KIT: variants seen among roughly 807,000 people sequenced by gnomAD.
The protein encoded by KIT is mast/stem cell growth factor receptor Kit.
Under a neutral mutation model 105.7 loss-of-function variants are expected in KIT, and 16 were observed. The ratio of observed to expected loss-of-function variants is 0.15; its 90% CI spans 0.10 to 0.23. The LOEUF is 0.23. KIT is among the 10% of genes least tolerant of loss of function. KIT has a pLI of 1.00. For synonymous variants in KIT, 438 were observed against 441.1 expected (o/e 0.99, Z 0.09); for missense variants, 858 against 1,213.8 (o/e 0.71, Z 4.36).
At chr4:54,675,033 ATC>A (rs1718370888) in intron 1 of KIT, among the ~76,000 whole-genome samples, 1 of 152,184 alleles carries the variant, frequency 6.6e-6, no homozygotes, top group Non-Finnish European at 1.5e-5. Context: ...AAATTTGCAT[ATC>A]TCTAATTATA....
intron 4 of KIT, among the ~76,000 whole-genome samples, chr4:54,701,887 G>A (rs1249228559): frequency 6.6e-6 from 1 of 152,172 alleles, no homozygotes; most frequent in Non-Finnish European, 1.5e-5. Context: ...CTGTGAAATG[G>A]TAGATTTCTG....
rs542534837 is a variant in KIT, at chr4:54,677,544, G to A, written c.68-17968G>A. Among the ~76,000 whole-genome samples the A allele has an allele frequency of 2.6e-5, 4 of 152,310 alleles. 1 individual carries two copies. In the South Asian group the frequency reaches 8.3e-4, roughly 32 times the overall value. ...AAGGTTTTCAGGGAAAGTGACTCTT[G>A]CCTCCTCTTTCCTCGGGGCTTCCAA... is the stretch of plus-strand genomic sequence containing the variant. On this transcript the variant is annotated intron_variant, in intron 1 of 20. Coordinates refer to ENST00000288135, the MANE Select transcript of KIT (RefSeq NM_000222.3).
intron 1 of KIT, among the ~76,000 whole-genome samples, chr4:54,679,992 G>A (rs1718784410): frequency 6.6e-6 from 1 of 152,174 alleles, no homozygotes; most frequent in Non-Finnish European, 1.5e-5. Context: ...GTAGAATCAT[G>A]TTGATCAGGG....
chr4:54,682,470 C>T (rs1719009780), intron 1 of KIT, among the ~76,000 whole-genome samples: 1 of 151,632 alleles, frequency 6.6e-6, no homozygotes, highest in Non-Finnish European at 1.5e-5. Context: ...GCTCTATTTC[C>T]CAGGCTAGAG....
chr4:54,701,805 T>C (rs1331150200), intron 4 of KIT, among the ~76,000 whole-genome samples: 1 of 152,244 alleles, frequency 6.6e-6, no homozygotes, highest in East Asian at 1.9e-4. Context: ...TGTGAAACTA[T>C]GAACTGGGAA....
chr4:54,673,558 T>C (rs1399000525), intron 1 of KIT, among the ~76,000 whole-genome samples: 2 of 152,230 alleles, frequency 1.3e-5, no homozygotes, highest in East Asian at 3.8e-4. Context: ...TATGCTGTTC[T>C]TCATAGCTTC....
At chr4:54,726,086 T>TA in intron 9 of KIT, 36 bp downstream of exon 9, 1 of 1,534,528 alleles carries the variant, frequency 6.5e-7, no homozygotes, top group Non-Finnish European at 9.0e-7. Context: ...AGGGGATGTT[T>TA]AGGCTCTGTC....
intron 1 of KIT, among the ~76,000 whole-genome samples, chr4:54,678,760 C>G (rs1197036395): frequency 6.6e-6 from 1 of 152,164 alleles, no homozygotes; most frequent in African/African-American, 2.4e-5. Flanking sequence ...AGTTACAAAG[C>G]TGGACCCACT....
In KIT at chr4:54,709,515, A is replaced by G. The variant is rs878853759; in HGVS notation, c.1207A>G (p.Ile403Val). Residue 403 changes from isoleucine (I) to valine (V), a missense_variant, in exon 7 of 21, where the codon ATA (isoleucine) becomes GTA (valine). This residue lies in a region of KIT where 401 missense variants were observed against 601.0 expected (regional missense o/e 0.67). Coordinates refer to ENST00000288135, the MANE Select transcript of KIT (RefSeq NM_000222.3). ...LVSNSDVNAA[I>V]AFNVYVNTKP... ...GTCCAATTCTGACGTCAATGCTGCCATAGCATTTAATGTTTATGTGAATAG... is the reference window on the plus strand; with the variant it reads ...GTCCAATTCTGACGTCAATGCTGCCGTAGCATTTAATGTTTATGTGAATAG... The G allele has an allele frequency of 1.1e-5, 18 of 1,603,920 alleles. No homozygotes were observed. The highest frequency in any genetic ancestry group is 1.5e-5 in the Non-Finnish European group (18 of 1,170,758).
At chr4:54,678,350 TTCCC>T (rs200051328) in intron 1 of KIT, among the ~76,000 whole-genome samples, 10,362 of 58,864 alleles carry the variant, frequency 0.18, 1,200 homozygotes, top group South Asian at 0.24. Context: ...CCTTCCTTCC[TTCCC>T]TCCCTCCCTC....
At chr4:54,692,372 T>C (rs948615070) in intron 1 of KIT, among the ~76,000 whole-genome samples, 3 of 152,230 alleles carry the variant, frequency 2.0e-5, no homozygotes, top group African/African-American at 7.2e-5. Flanking sequence ...TTATCCTCAT[T>C]TTCCAGGTGT....
At chr4:54,660,290 G>GC (rs942530724) in intron 1 of KIT, among the ~76,000 whole-genome samples, 11 of 151,964 alleles carry the variant, frequency 7.2e-5, no homozygotes, top group African/African-American at 2.4e-4. Context: ...GAGGGCCCCC[G>GC]CCCCCCAAGT....
intron 13 of KIT, among the ~76,000 whole-genome samples, chr4:54,728,674 A>G (rs1722392023): frequency 6.6e-6 from 1 of 152,244 alleles, no homozygotes; most frequent in Admixed American, 6.5e-5. Context: ...CTGGAGATCC[A>G]CGATAAAGTT....
At chr4:54,659,303 C>T (rs1228172258) in intron 1 of KIT, among the ~76,000 whole-genome samples, 3 of 152,192 alleles carry the variant, frequency 2.0e-5, no homozygotes, top group Non-Finnish European at 4.4e-5. Flanking sequence ...AGATTCCTGC[C>T]TCCCGTTCCC....
rs566815596 is a variant in KIT, at chr4:54,727,145, T to A, written c.1541-73T>A. ...CTGTGAGTTGGGAGGTGGGGTCAGT[T>A]TGGGACTGAGTGGCTGTGGTAGAGA... On this transcript the variant is annotated intron_variant, in intron 9 of 20. Transcript: ENST00000288135. 9.1e-5 allele frequency: 118 copies of A among 1,293,962 alleles called. No homozygotes were observed. The African/African-American group carries it at 1.6e-3, about 17-fold the overall frequency. 80.2% of individuals were successfully genotyped at this position (1,293,962 alleles called of 1,614,324 possible). A position where few individuals can be genotyped will look rare whatever the true frequency, so the allele number is the denominator to read the frequency against.
At position 54,723,599 on chromosome 4, in the gene KIT, T is replaced by G; in HGVS notation, c.1247T>G (p.Leu416Arg). The change falls in exon 8 of 21, where the codon CTG becomes CGG. Residue 416 changes from leucine to arginine, a missense_variant. Coordinates refer to ENST00000288135, the MANE Select transcript of KIT (RefSeq NM_000222.3). ...NVYVNTKPEI[L>R]TYDRLVNGML... ...TTTCCTGTAGCAAAACCAGAAATCC[T>G]GACTTACGACAGGCTCGTGAATGGC... 6.2e-7 allele frequency: 1 copy of G among 1,613,870 alleles called. No homozygotes were observed. The highest frequency in any genetic ancestry group is 8.5e-7 in the Non-Finnish European group (1 of 1,179,768).
rs1720995384 is a variant in KIT at position 54,709,405 on chromosome 4, A to G, written c.1116-19A>G. 4.9e-6 allele frequency: 7 copies of G among 1,440,518 alleles called. No individual in the cohort carries two copies. Among genetic ancestry groups the G allele is most frequent in the Non-Finnish European group, 6.9e-6 (7 of 1,021,730 alleles). The allele number at this position is 1,440,518 out of a possible 1,614,324, so 89.2% of individuals were successfully genotyped here. ...GCATGCTATCCACAGGTGATTGACTAGTTGTCTTTTCTTTGTAGATACGTA... is the reference window on the plus strand; with the variant it reads ...GCATGCTATCCACAGGTGATTGACTGGTTGTCTTTTCTTTGTAGATACGTA... On this transcript the variant is annotated intron_variant, in intron 6 of 20. Transcript: ENST00000288135.
chr4:54,727,684 G>A, intron 11 of KIT, 139 bp from the exon 12 acceptor site: 2 of 1,315,344 alleles, frequency 1.5e-6, no homozygotes, highest in African/African-American at 2.9e-5. Flanking sequence ...TGATAGGTTT[G>A]CCATAGAGAA....
chr4:54,739,440 A>G lies in KIT; in HGVS notation c.*883A>G, dbSNP rs945167833. The G allele has an allele frequency of 1.7e-5, 4 of 233,302 alleles. No homozygotes were observed. The highest frequency in any genetic ancestry group is 2.5e-5 in the Non-Finnish European group (3 of 117,856). 14.5% of individuals were successfully genotyped at this position (233,302 alleles called of 1,614,324 possible). ...CAAAATCTCCTCTTTTAGCTGATGAACTTATTCTGTAGATTCTGTGGAACA... is the reference window on the plus strand; with the variant it reads ...CAAAATCTCCTCTTTTAGCTGATGAGCTTATTCTGTAGATTCTGTGGAACA... On this transcript the variant is annotated 3_prime_UTR_variant, in exon 21 of 21. Transcript: ENST00000288135.
Sources: allele counts gnomAD v4.1 joint callset (sites outside exome capture counted in the v4.1 genomes callset), GRCh38; gene constraint gnomAD v4.1.1; regional missense constraint gnomAD v4.1.1; transcripts MANE v1.5; gene names NCBI Gene and HGNC (gene_info 2026-07-23, HGNC 2026-07-21).